TRPC6: variants seen among roughly 807,000 people sequenced by gnomAD.
TRPC6 encodes transient receptor potential cation channel subfamily C member 6, also known as short transient receptor potential channel 6.
A neutral mutation model predicts 90.7 loss-of-function variants in TRPC6; 55 were observed. The ratio of observed to expected loss-of-function variants is 0.61; its 90% confidence interval spans 0.49 to 0.76. TRPC6 has a LOEUF of 0.76. TRPC6 is among the 30% of genes least tolerant of loss of function. The pLI, the probability that TRPC6 is intolerant of heterozygous loss-of-function variation, is 0.00. For missense variants in TRPC6, 989 were observed against 1,122.7 expected (o/e 0.88, Z 1.70); for synonymous variants, 393 against 393.0 (o/e 1.00, Z 0.00).
intron 1 of TRPC6, among the ~76,000 whole-genome samples, chr11:101,510,257 T>C (rs931152625): frequency 3.9e-5 from 6 of 152,096 alleles, no homozygotes; most frequent in African/African-American, 1.4e-4. Flanking sequence ...TGAAAGCAAT[T>C]CAGGAAAGAT....
At chr11:101,551,581 TGC>T (rs1565240179) in intron 1 of TRPC6, among the ~76,000 whole-genome samples, 1 of 152,040 alleles carries the variant, frequency 6.6e-6, no homozygotes, top group Non-Finnish European at 1.5e-5. Flanking sequence ...GTCATAAAGC[TGC>T]ACATTTTTTC....
intron 9 of TRPC6, among the ~76,000 whole-genome samples, chr11:101,470,454 G>T (rs1859261488): frequency 6.6e-6 from 1 of 151,886 alleles, no homozygotes; most frequent in Non-Finnish European, 1.5e-5. Flanking sequence ...TCCTCCTCTG[G>T]ATACACCTGG....
intron 1 of TRPC6, among the ~76,000 whole-genome samples, chr11:101,521,390 G>T (rs1473742789): frequency 6.6e-6 from 1 of 152,236 alleles, no homozygotes; most frequent in Non-Finnish European, 1.5e-5. Context: ...CAGGTGCACA[G>T]AGGCAAGAGT....
intron 1 of TRPC6, among the ~76,000 whole-genome samples, chr11:101,528,613 A>G (rs1469869779): frequency 6.6e-6 from 1 of 152,178 alleles, no homozygotes; most frequent in Non-Finnish European, 1.5e-5. Context: ...TGCTTGTACT[A>G]ACTCTTATGT....
Position 101,476,455 on chromosome 11 carries a change from A to G in TRPC6, c.1590T>C (p.Asp530=). 1 of 1,614,116 alleles carries G rather than the reference A, an allele frequency of 6.2e-7. No individual in the cohort carries two copies. Among genetic ancestry groups the G allele is most frequent in the Non-Finnish European group, 8.5e-7 (1 of 1,179,994 alleles). ...EYLFELWNML[D]FGMLAIFAAS... is the part of the protein sequence containing the mutation. ...CTGCGAAAATTGCTAACATACCAAA[A>G]TCAAGCATGTTCCACAACTCAAACA... The change falls in exon 6 of 13, where the codon GAT becomes GAC. Residue 530 remains aspartate (D), a synonymous_variant. Coordinates refer to ENST00000344327, the MANE Select transcript of TRPC6 (RefSeq NM_004621.6).
chr11:101,507,999 T>C (rs1860313171), intron 1 of TRPC6, among the ~76,000 whole-genome samples: 1 of 152,074 alleles, frequency 6.6e-6, no homozygotes, highest in African/African-American at 2.4e-5. Flanking sequence ...TATTATATTC[T>C]GGGAAATTTC....
At chr11:101,545,682 T>C (rs1861287112) in intron 1 of TRPC6, among the ~76,000 whole-genome samples, 2 of 152,196 alleles carry the variant, frequency 1.3e-5, no homozygotes, top group South Asian at 4.1e-4. Context: ...CTTAATACAT[T>C]TCTTATAATT....
intron 11 of TRPC6, among the ~76,000 whole-genome samples, 167 bp downstream of exon 11, chr11:101,454,849 ATC>A (rs1197836068): frequency 1.3e-5 from 2 of 151,806 alleles, no homozygotes; most frequent in East Asian, 3.9e-4. Context: ...TAACTTATAT[ATC>A]TCTGTCACTT....
chr11:101,499,873 G>GT (rs1860061996), intron 2 of TRPC6, among the ~76,000 whole-genome samples: 1 of 101,010 alleles, frequency 9.9e-6, no homozygotes, highest in Non-Finnish European at 2.0e-5. Context: ...AGTATAAAAT[G>GT]TGTATATATA....
At position 101,453,683 on chromosome 11, in the gene TRPC6, G is replaced by C; in HGVS notation, c.2611C>G (p.Gln871Glu). ...RLIKRYVLQAQIDKESDEVNE... is the reference protein window; with the variant it reads ...RLIKRYVLQAEIDKESDEVNE... ...ACTTCATCACTCTCCTTATCTATCT[G>C]GGCCTGCAGTACATATCTTTTAATG... Residue 871 changes from glutamine (Q) to glutamate (E), a missense_variant, in exon 12 of 13, where the codon CAG becomes GAG. Physicochemically the swap from Gln to Glu is conservative, Grantham distance 29. Around this residue, in one of 4 missense-constraint regions of TRPC6, gnomAD observed 191 missense variants for 196.7 expected, o/e 0.97. Coordinates refer to ENST00000344327, the MANE Select transcript of TRPC6 (RefSeq NM_004621.6). 1.2e-6 allele frequency: 2 copies of C among 1,613,828 alleles called. No homozygotes were observed. The highest frequency in any genetic ancestry group is 1.7e-6 in the Non-Finnish European group (2 of 1,179,876).
intron 12 of TRPC6, 71 bp from the exon 13 acceptor site, chr11:101,453,177 G>A: frequency 2.1e-6 from 3 of 1,419,574 alleles, no homozygotes; most frequent in Non-Finnish European, 3.0e-6. Context: ...CTGTGGGACA[G>A]GAGGAAATCA....
intron 1 of TRPC6, among the ~76,000 whole-genome samples, chr11:101,575,712 T>G (rs1311528188): frequency 6.6e-6 from 1 of 152,196 alleles, no homozygotes; most frequent in Non-Finnish European, 1.5e-5. Context: ...GATATAAAGC[T>G]TGACCTCCAA....
In TRPC6 at chr11:101,483,249, A is replaced by T; in HGVS notation, c.1294-84T>A. On this transcript the variant is annotated intron_variant, in intron 4 of 12. Coordinates refer to ENST00000344327, the MANE Select transcript of TRPC6 (RefSeq NM_004621.6). ...CACATACATACATGCAAGAATAAAC[A>T]TCTGCACATTCCAATGATCTCCTGA... 3 of 1,315,914 alleles carry T rather than the reference A, an allele frequency of 2.3e-6. No individual in the cohort carries two copies. The Admixed American group carries it at 5.4e-5, about 24-fold the overall frequency. 81.5% of individuals were successfully genotyped at this position (1,315,914 alleles called of 1,614,324 possible). A position where few individuals can be genotyped will look rare whatever the true frequency, so the allele number is the denominator to read the frequency against.
intron 1 of TRPC6, among the ~76,000 whole-genome samples, chr11:101,513,140 T>A (rs1411387223): frequency 6.6e-6 from 1 of 152,100 alleles, no homozygotes; most frequent in African/African-American, 2.4e-5. Flanking sequence ...TTATGAAGGG[T>A]GACAGCCCAC....
rs71056611 is a variant in TRPC6 at position 101,491,836 on chromosome 11, CTTTTTTT to C, written c.946-105_946-99del. 1,688 of 444,860 alleles carry C rather than the reference CTTTTTTT, an allele frequency of 3.8e-3. 6 individuals are homozygous for C. The highest frequency in any genetic ancestry group is 0.037 in the South Asian group (1,591 of 43,142). The allele number at this position is 444,860 out of a possible 1,614,324, so 27.6% of individuals were successfully genotyped here. A position where few individuals can be genotyped will look rare whatever the true frequency, so the allele number is the denominator to read the frequency against. Reference sequence around the variant, plus strand: ...GATTTTATACTTTAAGAGAAACATTCTTTTTTTTTTTTTTTTTTTTTTGAGACGGAGC... The same window carrying C: ...GATTTTATACTTTAAGAGAAACATTCTTTTTTTTTTTTTTTGAGACGGAGC... On this transcript the variant is annotated intron_variant, in intron 2 of 12. Transcript: ENST00000344327.
intron 1 of TRPC6, among the ~76,000 whole-genome samples, chr11:101,546,413 A>C (rs1409222659): frequency 3.3e-5 from 5 of 152,146 alleles, no homozygotes; most frequent in Non-Finnish European, 7.4e-5. Context: ...GAGATAAAGG[A>C]ACCACTGCAA....
intron 10 of TRPC6, among the ~76,000 whole-genome samples, chr11:101,464,112 G>A (rs1044236278): frequency 2.0e-5 from 3 of 151,974 alleles, no homozygotes; most frequent in Non-Finnish European, 4.4e-5. Context: ...GTAGTTGTGC[G>A]GTTTTGAGTT....
intron 2 of TRPC6, among the ~76,000 whole-genome samples, chr11:101,498,726 C>G (rs1242096026): frequency 1.3e-5 from 2 of 152,068 alleles, no homozygotes; most frequent in African/African-American, 2.4e-5. Context: ...TACATTAATA[C>G]TTTCCAAGTG....
In TRPC6 at chr11:101,469,471, C is replaced by CTAAAATTCCAAGTTTCTTTT. The variant is rs1261890305; in HGVS notation, c.2420_2439dup (p.Gly814LysfsTer7). On this transcript the variant is annotated frameshift_variant, in exon 10 of 13. Transcript: ENST00000344327. LOFTEE classifies it high-confidence loss of function. ...AATTTTGAAAGGTCTTCATGACTTC[C>CTAAAATTCCAAGTTTCTTTT]TAAAATTCCAAGTTTCTTTTCTTCA... The CTAAAATTCCAAGTTTCTTTT allele has an allele frequency of 3.9e-6, 3 of 771,154 alleles. No homozygotes were observed. The highest frequency in any genetic ancestry group is 7.3e-6 in the Non-Finnish European group (3 of 413,062). 47.8% of individuals were successfully genotyped at this position (771,154 alleles called of 1,614,324 possible). A position where few individuals can be genotyped will look rare whatever the true frequency, so the allele number is the denominator to read the frequency against.
Sources: gnomAD v4.1 joint callset for allele counts (sites outside exome capture counted in the v4.1 genomes callset) on GRCh38, gnomAD v4.1.1 for gene constraint, gnomAD v4.1.1 regional missense constraint, MANE v1.5 for transcripts, NCBI Gene and HGNC (gene_info 2026-07-23, HGNC 2026-07-21) for gene names.